Variants in TMEFF1 observed in about 807,000 individuals in gnomAD.
TMEFF1 encodes transmembrane protein with EGF like and two follistatin like domains 1, also known as tomoregulin-1.
TMEFF1 carries 20 observed loss-of-function variants against 47.5 expected under a neutral mutation model. That is an observed-to-expected ratio of 0.42 (90% CI 0.30 to 0.61). TMEFF1 has a LOEUF of 0.61. TMEFF1 is among the 20% of genes least tolerant of loss of function. The pLI is 0.19. For missense variants in TMEFF1, 411 were observed against 471.1 expected, an observed-to-expected ratio of 0.87 and a Z score of 1.18; for synonymous variants, 162 against 166.3, an observed-to-expected ratio of 0.97 and a Z score of 0.20.
rs1837875374 is a variant in TMEFF1 at position 100,506,988 on chromosome 9, C to G, written c.307-2017C>G. The stretch of plus-strand genomic sequence containing the variant: ...TGCCACCCAGGTAGTGAGTATAGTA[C>G]CTAATAGGTAGTTTTTCAGTGCTTG... On this transcript the variant is annotated intron_variant, in intron 2 of 9. Transcript: ENST00000374879. 2.0e-5 allele frequency among the ~76,000 whole-genome samples: 3 copies of G among 152,024 alleles called. No homozygotes were observed. The South Asian group carries it at 6.3e-4, about 32-fold the overall frequency.
At chr9:100,514,825 T>C (rs1838033457) in intron 4 of TMEFF1, among the ~76,000 whole-genome samples, 1 of 151,790 alleles carries the variant, frequency 6.6e-6, no homozygotes, top group Non-Finnish European at 1.5e-5. Context: ...TGAAACCCCG[T>C]CTCTACTAAA....
intron 1 of TMEFF1, among the ~76,000 whole-genome samples, chr9:100,484,076 C>G (rs1186077783): frequency 6.6e-6 from 1 of 152,082 alleles, no homozygotes; most frequent in East Asian, 1.9e-4. Context: ...TTGAAGTTAT[C>G]ATAGGACCCA....
At chr9:100,502,231 C>A (rs532900241) in intron 2 of TMEFF1, among the ~76,000 whole-genome samples, 10 of 152,166 alleles carry the variant, frequency 6.6e-5, no homozygotes, top group African/African-American at 2.4e-4. Flanking sequence ...ATCCTAATTT[C>A]ATTTTTTTGT....
chr9:100,538,229 T>C (rs1799120992), intron 5 of TMEFF1, among the ~76,000 whole-genome samples: 1 of 152,174 alleles, frequency 6.6e-6, no homozygotes. Flanking sequence ...ATTTTGTTTT[T>C]GTAGTTTTAG....
chr9:100,560,431 G>A lies in TMEFF1; in HGVS notation c.776-966G>A, dbSNP rs1413273215. Reference sequence around the variant, plus strand: ...GGGGATTTTTCCTGCACATGGACAGGCCTGTAAATATTGCGGAATTCTGGG... The same window carrying A: ...GGGGATTTTTCCTGCACATGGACAGACCTGTAAATATTGCGGAATTCTGGG... On this transcript the variant is annotated intron_variant, in intron 7 of 9. Transcript: ENST00000374879. 2.6e-5 allele frequency among the ~76,000 whole-genome samples: 4 copies of A among 152,234 alleles called. No individual in the cohort carries two copies. In the East Asian group the frequency reaches 7.7e-4, roughly 29 times the overall value.
chr9:100,561,196 T>A (rs1839006879), intron 7 of TMEFF1, among the ~76,000 whole-genome samples: 1 of 152,238 alleles, frequency 6.6e-6, no homozygotes, highest in African/African-American at 2.4e-5. Flanking sequence ...CTAAACAGTT[T>A]ACCTGCTGTG....
intron 5 of TMEFF1, among the ~76,000 whole-genome samples, chr9:100,536,403 G>A (rs1443981650): frequency 1.3e-5 from 2 of 151,870 alleles, no homozygotes; most frequent in African/African-American, 4.8e-5. Flanking sequence ...GAGGAACTGG[G>A]AACAAAAAAA....
intron 1 of TMEFF1, among the ~76,000 whole-genome samples, chr9:100,474,533 G>T (rs980016720): frequency 6.6e-6 from 1 of 152,028 alleles, no homozygotes; most frequent in Non-Finnish European, 1.5e-5. Flanking sequence ...GCCCTATAGC[G>T]AACCCCATTT....
chr9:100,497,380 C>G (rs1837671084), intron 1 of TMEFF1, among the ~76,000 whole-genome samples: 1 of 135,858 alleles, frequency 7.4e-6, no homozygotes, highest in African/African-American at 2.9e-5. Context: ...TTCTGTGCAC[C>G]TGAGATCATT....
chr9:100,481,292 C>A (rs528185572), intron 1 of TMEFF1, among the ~76,000 whole-genome samples: 6 of 152,122 alleles, frequency 3.9e-5, no homozygotes, highest in Non-Finnish European at 8.8e-5. Flanking sequence ...TTTCGTTTAC[C>A]ACTGTATTGA....
intron 2 of TMEFF1, 68 bp from the exon 3 acceptor site, chr9:100,508,937 C>A: frequency 1.4e-6 from 2 of 1,417,144 alleles, no homozygotes. Context: ...GTATTGCATT[C>A]ATGAATGTGA....
chr9:100,520,591 A>G (rs1021706693), intron 5 of TMEFF1, among the ~76,000 whole-genome samples: 1 of 152,248 alleles, frequency 6.6e-6, no homozygotes, highest in Admixed American at 6.5e-5. Flanking sequence ...ATTGATTTAA[A>G]TACATTACAT....
intron 2 of TMEFF1, among the ~76,000 whole-genome samples, chr9:100,501,504 CAT>C (rs1837759249): frequency 6.6e-6 from 1 of 151,954 alleles, no homozygotes; most frequent in East Asian, 1.9e-4. Context: ...TTTGTAAAGA[CAT>C]GTGTATGCAT....
At chr9:100,476,796 G>A (rs1390145809) in intron 1 of TMEFF1, among the ~76,000 whole-genome samples, 6 of 146,056 alleles carry the variant, frequency 4.1e-5, no homozygotes, top group Admixed American at 1.4e-4. Context: ...TCCCGGGTTC[G>A]CGCCATTCTC....
intron 2 of TMEFF1, among the ~76,000 whole-genome samples, chr9:100,501,113 A>G (rs1837749511): frequency 6.6e-6 from 1 of 152,166 alleles, no homozygotes; most frequent in Non-Finnish European, 1.5e-5. Context: ...GTTCATTAAA[A>G]GAAAGGTGGT....
At chr9:100,483,707 T>A (rs1814148801) in intron 1 of TMEFF1, among the ~76,000 whole-genome samples, 1 of 152,194 alleles carries the variant, frequency 6.6e-6, no homozygotes, top group Non-Finnish European at 1.5e-5. Flanking sequence ...ACACCCAGAT[T>A]CCCCAATTAA....
At chr9:100,562,525 T>G (rs543425480) in intron 8 of TMEFF1, among the ~76,000 whole-genome samples, 1 of 152,342 alleles carries the variant, frequency 6.6e-6, no homozygotes, top group East Asian at 1.9e-4. Flanking sequence ...TTTTCCTGAT[T>G]GAAAGTTCTC....
Position 100,486,384 on chromosome 9 carries a change from C to T in TMEFF1, c.197-12381C>T, listed in dbSNP as rs1007490219. Among the ~76,000 whole-genome samples the T allele has an allele frequency of 4.0e-5, 6 of 150,582 alleles. No homozygotes were observed. In the East Asian group the frequency reaches 6.0e-4, roughly 15 times the overall value. ...CAGCCTCCTGAGTAGCTGGGATTAC[C>T]GGCGCGTGCCACCATGCCCAGCTAA... On this transcript the variant is annotated intron_variant, in intron 1 of 9. Coordinates refer to ENST00000374879, the MANE Select transcript of TMEFF1 (RefSeq NM_003692.5).
In TMEFF1 at chr9:100,576,808, A is replaced by C; in HGVS notation, c.*208A>C. On this transcript the variant is annotated 3_prime_UTR_variant, in exon 10 of 10. Transcript: ENST00000374879. Reference sequence around the variant, plus strand: ...TTTTAAATACAGAAATTGCTTTCACAAATTTGTACCACATGGTAATTCTAA... The same window carrying C: ...TTTTAAATACAGAAATTGCTTTCACCAATTTGTACCACATGGTAATTCTAA... 1 of 483,416 alleles carries C rather than the reference A, an allele frequency of 2.1e-6. No individual in the cohort carries two copies. Among genetic ancestry groups the C allele is most frequent in the Non-Finnish European group, 3.4e-6 (1 of 290,888 alleles). The allele number at this position is 483,416 out of a possible 1,614,324, so 29.9% of individuals were successfully genotyped here. A position where few individuals can be genotyped will look rare whatever the true frequency, so the allele number is the denominator to read the frequency against.
Sources: allele counts gnomAD v4.1 joint callset (sites outside exome capture counted in the v4.1 genomes callset), GRCh38; gene constraint gnomAD v4.1.1; transcripts MANE v1.5; gene names NCBI Gene and HGNC (gene_info 2026-07-23, HGNC 2026-07-21).